Variants in PRR14L observed in about 807,000 individuals in gnomAD.
The protein encoded by PRR14L is proline rich 14 like, also known as protein PRR14L.
In PRR14L, 80 loss-of-function variants were observed where a neutral mutation model predicts 155.0. The observed-to-expected ratio is 0.52, with a 90% CI of 0.43 to 0.62. The LOEUF (loss-of-function observed/expected upper bound fraction) is 0.62. Ranked by LOEUF, PRR14L falls within the 20% of genes least tolerant of loss-of-function variation. The pLI, the probability that PRR14L is intolerant of heterozygous loss-of-function variation, is 0.00. For synonymous variants in PRR14L, 883 were observed against 916.0 expected (o/e 0.96, Z 0.65); for missense variants, 2,469 against 2,548.0 (o/e 0.97, Z 0.67).
intron 2 of PRR14L, among the ~76,000 whole-genome samples, chr22:31,729,670 CAT>C (rs2074737156): frequency 6.6e-6 from 1 of 151,984 alleles, no homozygotes; most frequent in Non-Finnish European, 1.5e-5. Context: ...CAGCAAATAC[CAT>C]ATGATTCCAC....
intron 3 of PRR14L, among the ~76,000 whole-genome samples, chr22:31,721,068 A>G (rs1385850132): frequency 2.0e-5 from 3 of 152,266 alleles, no homozygotes; most frequent in Non-Finnish European, 2.9e-5. Flanking sequence ...AAAATTAACT[A>G]AACAGAAAAT....
intron 2 of PRR14L, among the ~76,000 whole-genome samples, chr22:31,727,844 T>C (rs1485609252): frequency 6.6e-6 from 1 of 151,794 alleles, no homozygotes; most frequent in Non-Finnish European, 1.5e-5. Context: ...TAGCTGGGTA[T>C]GGTGGTGCGT....
In PRR14L at chr22:31,713,361, CGAG is replaced by C; in HGVS notation, c.4475_4477del (p.Pro1492del). 1 of 1,552,066 alleles carries C rather than the reference CGAG, an allele frequency of 6.4e-7. No individual in the cohort carries two copies. Among genetic ancestry groups the C allele is most frequent in the Middle Eastern group, 1.7e-4 (1 of 5,996 alleles). On this transcript the variant is annotated inframe_deletion, in exon 4 of 9. Transcript: ENST00000327423. Reference sequence around the variant, plus strand: ...AGCAGAGGAGGGGTCTTGTGCTTTCCGAGGGGCACCAAGAAGGCAAGGACTTGT... The same window carrying C: ...AGCAGAGGAGGGGTCTTGTGCTTTCCGGGCACCAAGAAGGCAAGGACTTGT...
chr22:31,692,523 C>G (rs2074516627), intron 7 of PRR14L, among the ~76,000 whole-genome samples: 1 of 152,136 alleles, frequency 6.6e-6, no homozygotes, highest in Non-Finnish European at 1.5e-5. Context: ...GGGTTATTGT[C>G]TTTTGGTTGT....
chr22:31,738,453 A>G lies in PRR14L; in HGVS notation c.408T>C (p.Ser136=). 1.9e-6 allele frequency: 3 copies of G among 1,552,284 alleles called. No homozygotes were observed. The highest frequency in any genetic ancestry group is 1.7e-6 in the Non-Finnish European group (2 of 1,147,120). The change falls in exon 2 of 9, where the codon TCT becomes TCC. Residue 136 remains serine, a synonymous_variant. Coordinates refer to ENST00000327423, the MANE Select transcript of PRR14L (RefSeq NM_173566.3). Reference sequence around the variant, plus strand: ...GATGTGGATCTTCCTTTGCTCCCTCAGAGGGTTCTCTTATAATTCCTGCCT... The same window carrying G: ...GATGTGGATCTTCCTTTGCTCCCTCGGAGGGTTCTCTTATAATTCCTGCCT... ...GGQAGIIREP[S]EGAKEDPHQH... is the part of the protein sequence containing the mutation.
intron 7 of PRR14L, among the ~76,000 whole-genome samples, chr22:31,696,148 T>A (rs75880180): frequency 8.1e-5 from 8 of 98,168 alleles, no homozygotes; most frequent in African/African-American, 4.5e-4. Context: ...TTATTATAAT[T>A]TTTTTTTTTT....
Position 31,713,352 on chromosome 22 carries a change from T to C in PRR14L, c.4487A>G (p.Gln1496Arg). 2 of 1,552,260 alleles carry C rather than the reference T, an allele frequency of 1.3e-6. No homozygotes were observed. The highest frequency in any genetic ancestry group is 2.4e-5 in the South Asian group (2 of 84,064). ...ATCACACCCAGCAGAGGAGGGGTCT[T>C]GTGCTTTCCGAGGGGCACCAAGAAG... ...PCLLGAPRKA[Q>R]DPSSAGCDQI... Residue 1496 changes from glutamine (Q) to arginine (R), a missense_variant, in exon 4 of 9, where the codon CAA (glutamine) becomes CGA (arginine). By Grantham distance (43) the Gln-to-Arg change is conservative (BLOSUM62 1). This residue lies in a region of PRR14L where 2,363 missense variants were observed against 2,371.6 expected (regional missense o/e 1.00). Transcript: ENST00000327423.
intron 2 of PRR14L, among the ~76,000 whole-genome samples, chr22:31,737,161 G>A (rs553213373): frequency 3.3e-5 from 5 of 151,834 alleles, no homozygotes; most frequent in Admixed American, 1.3e-4. Flanking sequence ...GAGAGAGTCC[G>A]CTGGACAGGT....
intron 6 of PRR14L, among the ~76,000 whole-genome samples, chr22:31,702,624 T>A (rs997354873): frequency 6.6e-5 from 10 of 152,122 alleles, no homozygotes; most frequent in African/African-American, 1.9e-4. Flanking sequence ...TAAGCGAATC[T>A]ACTGCCTCGG....
Position 31,685,413 on chromosome 22 carries a change from G to A in PRR14L, c.*114C>T, listed in dbSNP as rs1401410002. On this transcript the variant is annotated 3_prime_UTR_variant, in exon 9 of 9. Transcript: ENST00000327423. ...ACTGTGCATTTTTGAGTGGTTTGGC[G>A]GTAGGGCAAAATTAGGCAACCTTTT... 7.9e-6 allele frequency: 7 copies of A among 888,116 alleles called. No homozygotes were observed. The highest frequency in any genetic ancestry group is 2.6e-4 in the Middle Eastern group (1 of 3,802). The allele number at this position is 888,116 out of a possible 1,614,324, so 55.0% of individuals were successfully genotyped here.
chr22:31,714,114 G>C lies in PRR14L; in HGVS notation c.3725C>G (p.Pro1242Arg), dbSNP rs1190255558. ...LRSLKSIEIM[P>R]SQENSETNVN... ...ATTAGTTTCTGAATTTTCTTGAGAA[G>C]GCATTATTTCAATGGATTTCAGGCT... Residue 1242 changes from proline to arginine, a missense_variant, in exon 4 of 9, where the codon CCT becomes CGT. Coordinates refer to ENST00000327423, the MANE Select transcript of PRR14L (RefSeq NM_173566.3). The C allele has an allele frequency of 6.4e-7, 1 of 1,550,890 alleles. No individual in the cohort carries two copies. Among genetic ancestry groups the C allele is most frequent in the African/African-American group, 1.4e-5 (1 of 73,074 alleles).
At chr22:31,742,619 G>A (rs1217116730) in intron 1 of PRR14L, among the ~76,000 whole-genome samples, 2 of 151,962 alleles carry the variant, frequency 1.3e-5, no homozygotes, top group Admixed American at 6.6e-5. Context: ...CGCCCGCCTC[G>A]GCCTCCCAAA....
intron 7 of PRR14L, among the ~76,000 whole-genome samples, chr22:31,692,008 C>T (rs1173728825): frequency 6.6e-6 from 1 of 152,008 alleles, no homozygotes; most frequent in Non-Finnish European, 1.5e-5. Flanking sequence ...GTTGGGATTA[C>T]AGGCACGCAC....
chr22:31,731,699 A>G (rs989503407), intron 2 of PRR14L, among the ~76,000 whole-genome samples: 4 of 151,724 alleles, frequency 2.6e-5, no homozygotes, highest in Admixed American at 6.6e-5. Context: ...TTATCCACAT[A>G]TATTTACTTA....
intron 4 of PRR14L, among the ~76,000 whole-genome samples, chr22:31,705,860 G>T (rs924047312): frequency 6.6e-6 from 1 of 151,688 alleles, no homozygotes. Context: ...AATTAGCTGG[G>T]TGTGGTGGTG....
At position 31,691,483 on chromosome 22, in the gene PRR14L, C is replaced by T. The variant is rs755125124; in HGVS notation, c.6108-3256G>A. Among the ~76,000 whole-genome samples the T allele has an allele frequency of 5.1e-4, 77 of 152,186 alleles. 1 individual carries two copies. The highest frequency in any genetic ancestry group is 1.6e-3 in the African/African-American group (67 of 41,512). The stretch of plus-strand genomic sequence containing the variant: ...TGATCCTCCTGCCTCTACCTGCCAA[C>T]GAGCTGGGATTATAGGAATGAACCA... On this transcript the variant is annotated intron_variant, in intron 7 of 8. Coordinates refer to ENST00000327423, the MANE Select transcript of PRR14L (RefSeq NM_173566.3).
chr22:31,713,439 T>A lies in PRR14L; in HGVS notation c.4400A>T (p.Gln1467Leu). 1.9e-6 allele frequency: 3 copies of A among 1,551,918 alleles called. No individual in the cohort carries two copies. In the South Asian group the frequency reaches 3.6e-5, roughly 18 times the overall value. Residue 1467 changes from glutamine (Q) to leucine (L), a missense_variant, in exon 4 of 9, where the codon CAG becomes CTG. Physicochemically the swap from Gln to Leu is moderately radical, Grantham distance 113. Around this residue, in one of 2 missense-constraint regions of PRR14L, gnomAD observed 2,363 missense variants for 2,371.6 expected, o/e 1.00. Coordinates refer to ENST00000327423, the MANE Select transcript of PRR14L (RefSeq NM_173566.3). ...IVAQTQKLED[Q>L]KEERLHHPLR... ...TGGATGATGTAACCTTTCCTCCTTCTGGTCTTCTAACTTCTGAGTCTGTGC... is the reference window on the plus strand; with the variant it reads ...TGGATGATGTAACCTTTCCTCCTTCAGGTCTTCTAACTTCTGAGTCTGTGC...
chr22:31,729,542 G>A (rs997017165), intron 2 of PRR14L, among the ~76,000 whole-genome samples: 2 of 152,130 alleles, frequency 1.3e-5, no homozygotes, highest in African/African-American at 4.8e-5. Flanking sequence ...ATAACTTTGG[G>A]ACACGATCCT....
At chr22:31,718,496 C>T (rs1161198815) in intron 3 of PRR14L, among the ~76,000 whole-genome samples, 2 of 150,990 alleles carry the variant, frequency 1.3e-5, no homozygotes, top group Non-Finnish European at 2.9e-5. Context: ...CCTCATGATC[C>T]GCCCACCTTG....
Sources: gnomAD v4.1 joint callset for allele counts (sites outside exome capture counted in the v4.1 genomes callset) on GRCh38, gnomAD v4.1.1 for gene constraint, gnomAD v4.1.1 regional missense constraint, MANE v1.5 for transcripts, NCBI Gene and HGNC (gene_info 2026-07-23, HGNC 2026-07-21) for gene names.